The following KCNMA1 variants were observed in gnomAD, a reference collection of about 807,000 sequenced individuals.
KCNMA1 encodes Calcium-activated potassium channel subunit alpha-1.
Under a neutral mutation model 140.0 loss-of-function variants are expected in KCNMA1, and 29 were observed. That is an observed-to-expected ratio of 0.21 (90% CI 0.15 to 0.28). The LOEUF (loss-of-function observed/expected upper bound fraction) is 0.28, where lower values mean the gene tolerates loss of function less well. Among genes scored for constraint, KCNMA1 ranks in the 10% least tolerant of loss-of-function variants. KCNMA1 has a pLI of 1.00. For missense variants in KCNMA1, 880 were observed against 1,602.2 expected (o/e 0.55, Z 7.70); for synonymous variants, 612 against 611.9 (o/e 1.00, Z 0.00).
intron 19 of KCNMA1, chr10:76,974,316 C>A: frequency 4.5e-5 from 23 of 507,294 alleles, no homozygotes; most frequent in Admixed American, 1.1e-4. Context: ...TATTATTAAT[C>A]GTTTTTTACG....
chr10:76,951,684 C>T (rs1018712284), intron 21 of KCNMA1, among the ~76,000 whole-genome samples: 7 of 152,168 alleles, frequency 4.6e-5, no homozygotes, highest in African/African-American at 1.7e-4. Flanking sequence ...AGCCGTGTTA[C>T]TTTAGAGAGG....
intron 1 of KCNMA1, among the ~76,000 whole-genome samples, chr10:77,514,451 G>C (rs2049579982): frequency 6.6e-6 from 1 of 152,114 alleles, no homozygotes; most frequent in South Asian, 2.1e-4. Context: ...CCTCCAAGCA[G>C]GGACCAGAGG....
chr10:77,093,251 T>C (rs2096856506), intron 9 of KCNMA1, among the ~76,000 whole-genome samples: 1 of 152,126 alleles, frequency 6.6e-6, no homozygotes, highest in African/African-American at 2.4e-5. Flanking sequence ...TCAACGTAAT[T>C]GGTATTTTTG....
chr10:77,586,002 C>G (rs1002586690), intron 1 of KCNMA1, among the ~76,000 whole-genome samples: 2 of 152,198 alleles, frequency 1.3e-5, no homozygotes, highest in African/African-American at 4.8e-5. Flanking sequence ...AAATAGAAAC[C>G]AATCTGACCA....
chr10:77,240,243 C>T (rs1358128838), intron 3 of KCNMA1, among the ~76,000 whole-genome samples: 6 of 152,098 alleles, frequency 3.9e-5, no homozygotes, highest in African/African-American at 9.7e-5. Context: ...CTTCTAACAA[C>T]GTTATTTTCA....
At chr10:77,001,366 C>G in intron 19 of KCNMA1, 41 bp downstream of exon 19, 1 of 1,527,772 alleles carries the variant, frequency 6.5e-7, no homozygotes, top group Non-Finnish European at 8.9e-7. Context: ...ATACCACAGA[C>G]AGCACAAACA....
chr10:77,159,865 C>T (rs2098536178), intron 5 of KCNMA1, among the ~76,000 whole-genome samples: 1 of 152,152 alleles, frequency 6.6e-6, no homozygotes, highest in Non-Finnish European at 1.5e-5. Flanking sequence ...AGCTCACCAG[C>T]CCTTGTCCCT....
At chr10:77,280,790 A>G (rs191302923) in intron 2 of KCNMA1, among the ~76,000 whole-genome samples, 6 of 152,090 alleles carry the variant, frequency 3.9e-5, no homozygotes, top group Non-Finnish European at 7.4e-5. Context: ...TGGCATCCCA[A>G]AGTGCTGGGA....
At chr10:77,510,206 A>T (rs1372942788) in intron 1 of KCNMA1, among the ~76,000 whole-genome samples, 2 of 151,688 alleles carry the variant, frequency 1.3e-5, no homozygotes, top group Admixed American at 1.3e-4. Context: ...CAGATTGCTC[A>T]TCTGCTAATT....
intron 1 of KCNMA1, among the ~76,000 whole-genome samples, chr10:77,514,858 G>C (rs1354146968): frequency 2.0e-5 from 3 of 152,054 alleles, no homozygotes; most frequent in Admixed American, 2.0e-4. Context: ...CTCACGTCTA[G>C]ACACCATTTT....
intron 1 of KCNMA1, among the ~76,000 whole-genome samples, chr10:77,564,011 T>C (rs1400113329): frequency 3.9e-5 from 6 of 152,246 alleles, no homozygotes; most frequent in Admixed American, 3.3e-4. Flanking sequence ...CAGAGCTCAA[T>C]ATAAATGTAC....
At chr10:77,479,731 G>A (rs569586484) in intron 1 of KCNMA1, among the ~76,000 whole-genome samples, 8 of 152,244 alleles carry the variant, frequency 5.3e-5, no homozygotes, top group South Asian at 2.1e-4. Flanking sequence ...CCTGTGCCCC[G>A]GCTGGTCATT....
chr10:77,127,844 T>G (rs546680288), intron 5 of KCNMA1, among the ~76,000 whole-genome samples: 1 of 152,050 alleles, frequency 6.6e-6, no homozygotes, highest in Non-Finnish European at 1.5e-5. Flanking sequence ...TGTGGTGGTA[T>G]GTGCCTGTAA....
intron 20 of KCNMA1, among the ~76,000 whole-genome samples, chr10:76,957,220 T>C (rs1036235241): frequency 5.4e-5 from 8 of 148,946 alleles, no homozygotes; most frequent in African/African-American, 2.0e-4. Context: ...GATCCACTAA[T>C]AGCCAGTAGG....
intron 23 of KCNMA1, among the ~76,000 whole-genome samples, chr10:76,928,691 A>G (rs764800881): frequency 2.0e-5 from 3 of 152,298 alleles, no homozygotes; most frequent in Middle Eastern, 3.4e-3. Context: ...ATTCCTACAT[A>G]CAGATGATGT....
At chr10:76,985,703 G>A (rs912217519) in intron 19 of KCNMA1, among the ~76,000 whole-genome samples, 1 of 152,212 alleles carries the variant, frequency 6.6e-6, no homozygotes, top group Non-Finnish European at 1.5e-5. Flanking sequence ...ACAGGAATGT[G>A]ATAGGTGACT....
At chr10:77,201,973 C>A (rs919646265) in intron 3 of KCNMA1, among the ~76,000 whole-genome samples, 3 of 152,202 alleles carry the variant, frequency 2.0e-5, no homozygotes, top group Non-Finnish European at 4.4e-5. Flanking sequence ...GGAAAGGATA[C>A]AGAAACTCTG....
chr10:77,570,743 TA>T (rs55723326), intron 1 of KCNMA1, among the ~76,000 whole-genome samples: 2 of 149,054 alleles, frequency 1.3e-5, no homozygotes, highest in African/African-American at 5.0e-5. Context: ...ATAATAATAA[TA>T]AAAAAAAGAA....
chr10:77,440,415 TG>T (rs1174799473), intron 1 of KCNMA1, among the ~76,000 whole-genome samples: 1 of 152,162 alleles, frequency 6.6e-6, no homozygotes, highest in Non-Finnish European at 1.5e-5. Context: ...GGGTGAAACA[TG>T]GGCAACAGTT....
Sources: gnomAD v4.1 joint callset for allele counts (sites outside exome capture counted in the v4.1 genomes callset) on GRCh38, gnomAD v4.1.1 for gene constraint, MANE v1.5 for transcripts, NCBI Gene and HGNC (gene_info 2026-07-23, HGNC 2026-07-21) for gene names.